The following MIPOL1 variants were observed in gnomAD, a reference collection of about 807,000 sequenced individuals.
The protein encoded by MIPOL1 is mirror-image polydactyly gene 1 protein.
MIPOL1 carries 57 observed loss-of-function variants against 60.9 expected under a neutral mutation model. That is an observed-to-expected ratio of 0.94 (90% CI 0.76 to 1.17). The LOEUF (loss-of-function observed/expected upper bound fraction) is 1.17. Ranked by LOEUF, MIPOL1 falls within the 50% of genes most tolerant of loss-of-function variation. The pLI, the probability that MIPOL1 is intolerant of heterozygous loss-of-function variation, is 0.00. For synonymous variants in MIPOL1, 179 were observed against 168.8 expected (o/e 1.06, Z -0.47); for missense variants, 551 against 511.6 (o/e 1.08, Z -0.74).
intron 11 of MIPOL1, among the ~76,000 whole-genome samples, chr14:37,463,060 T>C (rs1268792859): frequency 1.3e-5 from 2 of 152,230 alleles, no homozygotes; most frequent in Admixed American, 1.3e-4. Context: ...AAGACATACC[T>C]GAGACTGGGC....
At chr14:37,347,051 G>A (rs2090996248) in intron 9 of MIPOL1, among the ~76,000 whole-genome samples, 1 of 151,996 alleles carries the variant, frequency 6.6e-6, no homozygotes. Flanking sequence ...CCAGCAGCAA[G>A]AGATACAAAA....
intron 9 of MIPOL1, among the ~76,000 whole-genome samples, chr14:37,349,208 G>A (rs1406116555): frequency 6.6e-6 from 1 of 151,886 alleles, no homozygotes; most frequent in African/African-American, 2.4e-5. Flanking sequence ...GGCTGGTCTC[G>A]TACTCCTGAC....
chr14:37,535,338 G>GT (rs1303985625), intron 12 of MIPOL1, among the ~76,000 whole-genome samples: 3 of 152,100 alleles, frequency 2.0e-5, no homozygotes, highest in Non-Finnish European at 2.9e-5. Context: ...CACATATCAA[G>GT]TTTTTTCTGT....
At position 37,443,457 on chromosome 14, in the gene MIPOL1, C is replaced by CAA. The variant is rs3062712; in HGVS notation, c.1031+20533_1031+20534dup. 6.4e-3 allele frequency among the ~76,000 whole-genome samples: 293 copies of CAA among 45,464 alleles called. 15 individuals carry two copies. Among genetic ancestry groups the CAA allele is most frequent in the African/African-American group, 0.021 (258 of 12,368 alleles). 29.8% of individuals were successfully genotyped at this position (45,464 alleles called of 152,430 possible). A position where few individuals can be genotyped will look rare whatever the true frequency, so the allele number is the denominator to read the frequency against. On this transcript the variant is annotated intron_variant, in intron 11 of 12. Transcript: ENST00000684589. ...CTGGGTGACAGAGAGACTATCTCAC[C>CAA]AAAAAAAAAAAAAAAAAAAAAAAAA...
intron 11 of MIPOL1, among the ~76,000 whole-genome samples, chr14:37,433,437 T>C (rs1200828327): frequency 2.6e-5 from 4 of 152,148 alleles, no homozygotes; most frequent in Non-Finnish European, 2.9e-5. Flanking sequence ...GTTCTCATTG[T>C]TCAACTTCCG....
chr14:37,531,337 T>C (rs139472496), intron 12 of MIPOL1, among the ~76,000 whole-genome samples: 135 of 152,242 alleles, frequency 8.9e-4, no homozygotes, highest in African/African-American at 3.1e-3. Flanking sequence ...CTTATTTGTA[T>C]CCCACCCATT....
In MIPOL1 at chr14:37,240,043, C is replaced by A. The variant is rs926040888; in HGVS notation, c.-198-7060C>A. ...TGTATTTTTTGGTGTTTCTTTGAGA[C>A]ATGTCTTACTCTGTCGCCCAGGCTG... On this transcript the variant is annotated intron_variant, in intron 1 of 12. Transcript: ENST00000684589. Among the ~76,000 whole-genome samples the A allele has an allele frequency of 2.0e-5, 3 of 152,124 alleles. No individual in the cohort carries two copies. In the South Asian group the frequency reaches 6.2e-4, roughly 32 times the overall value.
chr14:37,416,584 T>C (rs1386110726), intron 10 of MIPOL1, among the ~76,000 whole-genome samples: 1 of 152,210 alleles, frequency 6.6e-6, no homozygotes, highest in African/African-American at 2.4e-5. Flanking sequence ...TGTATTCTTA[T>C]GGAACTATAG....
Position 37,308,581 on chromosome 14 carries a change from A to G in MIPOL1, c.828+62A>G, listed in dbSNP as rs368048535. The G allele has an allele frequency of 8.9e-5, 114 of 1,278,856 alleles. 2 individuals carry two copies. In the East Asian group the frequency reaches 2.0e-3, roughly 23 times the overall value. The allele number at this position is 1,278,856 out of a possible 1,614,324, so 79.2% of individuals were successfully genotyped here. A position where few individuals can be genotyped will look rare whatever the true frequency, so the allele number is the denominator to read the frequency against. ...CATTTTCCTCTCTATTTTTTTAACC[A>G]TTAAAAACTGACTTTGGCCCAGATA... is the stretch of plus-strand genomic sequence containing the variant. On this transcript the variant is annotated intron_variant, in intron 9 of 12. Transcript: ENST00000684589.
At chr14:37,481,811 A>G (rs1032879048) in intron 11 of MIPOL1, among the ~76,000 whole-genome samples, 12 of 152,198 alleles carry the variant, frequency 7.9e-5, no homozygotes, top group African/African-American at 2.9e-4. Flanking sequence ...ATTTTTGACA[A>G]ATGTGCCAAG....
intron 1 of MIPOL1, among the ~76,000 whole-genome samples, chr14:37,224,907 G>A (rs1969440294): frequency 6.6e-6 from 1 of 152,132 alleles, no homozygotes; most frequent in Admixed American, 6.5e-5. Flanking sequence ...ATATAAAGGG[G>A]GTATAGGCAT....
At chr14:37,445,927 A>T (rs1366626263) in intron 11 of MIPOL1, among the ~76,000 whole-genome samples, 3 of 152,190 alleles carry the variant, frequency 2.0e-5, no homozygotes. Flanking sequence ...TTAATTCAAG[A>T]TGGATTAAAG....
At chr14:37,392,293 CA>C (rs2093267645) in intron 10 of MIPOL1, among the ~76,000 whole-genome samples, 1 of 152,202 alleles carries the variant, frequency 6.6e-6, no homozygotes, top group East Asian at 1.9e-4. Context: ...ACATTTGTTG[CA>C]TTTACACCTA....
intron 9 of MIPOL1, among the ~76,000 whole-genome samples, chr14:37,314,656 C>T: frequency 6.6e-6 from 1 of 152,064 alleles, no homozygotes; most frequent in East Asian, 1.9e-4. Context: ...CATTTGTGCC[C>T]ATATTTTACC....
chr14:37,485,233 T>G (rs1338925040), intron 11 of MIPOL1, among the ~76,000 whole-genome samples: 1 of 152,230 alleles, frequency 6.6e-6, no homozygotes, highest in Non-Finnish European at 1.5e-5. Flanking sequence ...AGTCTATCAC[T>G]GATGGGCATT....
chr14:37,224,574 T>G (rs111734005), intron 1 of MIPOL1, among the ~76,000 whole-genome samples: 5,211 of 152,218 alleles, frequency 0.034, 224 homozygotes, highest in East Asian at 0.24. Flanking sequence ...TCACTACAAC[T>G]GGAACAGTAT....
intron 11 of MIPOL1, among the ~76,000 whole-genome samples, chr14:37,463,856 A>T (rs937391206): frequency 6.6e-6 from 1 of 152,214 alleles, no homozygotes; most frequent in Non-Finnish European, 1.5e-5. Flanking sequence ...GCTGTAAACT[A>T]TGCATTGAAC....
intron 10 of MIPOL1, among the ~76,000 whole-genome samples, chr14:37,422,143 G>T (rs948480682): frequency 3.9e-5 from 6 of 151,950 alleles, no homozygotes; most frequent in African/African-American, 1.4e-4. Flanking sequence ...TGGGAGGGTG[G>T]CAAATTCTTT....
intron 12 of MIPOL1, chr14:37,545,690 C>G: frequency 1.5e-6 from 1 of 652,232 alleles, no homozygotes; most frequent in Non-Finnish European, 2.8e-6. Context: ...CAAAATCATC[C>G]AATAAACTTC....
Sources: gnomAD v4.1 joint callset for allele counts (sites outside exome capture counted in the v4.1 genomes callset) on GRCh38, gnomAD v4.1.1 for gene constraint, MANE v1.5 for transcripts, NCBI Gene and HGNC (gene_info 2026-07-23, HGNC 2026-07-21) for gene names.